Variants in DGKI observed in about 807,000 individuals in gnomAD.
DGKI encodes DAG kinase iota.
Under a neutral mutation model 147.5 loss-of-function variants are expected in DGKI, and 55 were observed. The ratio of observed to expected loss-of-function variants is 0.37; its 90% CI spans 0.30 to 0.47. The LOEUF (loss-of-function observed/expected upper bound fraction) is 0.47. Among genes scored for constraint, DGKI ranks in the 20% least tolerant of loss-of-function variants. DGKI has a pLI of 1.00. For missense variants in DGKI, 1,007 were observed against 1,323.8 expected (o/e 0.76, Z 3.71); for synonymous variants, 469 against 477.1 (o/e 0.98, Z 0.22).
intron 1 of DGKI, among the ~76,000 whole-genome samples, chr7:137,738,968 A>G (rs1246475845): frequency 6.6e-6 from 1 of 152,132 alleles, no homozygotes; most frequent in Non-Finnish European, 1.5e-5. Context: ...TACTAGACAT[A>G]TGGACACCTC....
At chr7:137,500,352 GT>G (rs1816127451) in intron 21 of DGKI, among the ~76,000 whole-genome samples, 2 of 152,170 alleles carry the variant, frequency 1.3e-5, no homozygotes, top group South Asian at 4.1e-4. Flanking sequence ...TGGATTTTAC[GT>G]TTGAAGTAAA....
At chr7:137,826,740 G>A (rs1362231348) in intron 1 of DGKI, among the ~76,000 whole-genome samples, 1 of 152,156 alleles carries the variant, frequency 6.6e-6, no homozygotes, top group Non-Finnish European at 1.5e-5. Flanking sequence ...GGGCAGGCGA[G>A]TTTATCCAAA....
At chr7:137,815,618 G>A (rs17169435) in intron 1 of DGKI, among the ~76,000 whole-genome samples, 2,709 of 152,164 alleles carry the variant, frequency 0.018, 96 homozygotes, top group African/African-American at 0.063. Flanking sequence ...GGATGTTCAC[G>A]CTAGGGACAT....
chr7:137,834,455 C>G (rs766015829), intron 1 of DGKI, among the ~76,000 whole-genome samples: 15 of 152,190 alleles, frequency 9.9e-5, no homozygotes, highest in Non-Finnish European at 1.8e-4. Context: ...TGGGAATAAC[C>G]ATTCACCATT....
chr7:137,461,954 T>G (rs1211864287), intron 27 of DGKI, among the ~76,000 whole-genome samples: 1 of 152,092 alleles, frequency 6.6e-6, no homozygotes, highest in Non-Finnish European at 1.5e-5. Context: ...AGTGGTAAAT[T>G]TATTTGTCAT....
At chr7:137,484,513 T>C in intron 23 of DGKI, among the ~76,000 whole-genome samples, 1 of 152,044 alleles carries the variant, frequency 6.6e-6, no homozygotes, top group East Asian at 1.9e-4. Flanking sequence ...CAGGGCAGGG[T>C]AAGGAGCCTT....
chr7:137,644,504 T>C (rs151313903), intron 6 of DGKI, among the ~76,000 whole-genome samples: 16 of 152,254 alleles, frequency 1.1e-4, no homozygotes, highest in African/African-American at 3.6e-4. Flanking sequence ...CACAACCATA[T>C]CTCAGGCAGC....
chr7:137,765,797 G>A (rs3800661), intron 1 of DGKI, among the ~76,000 whole-genome samples: 37,000 of 152,004 alleles, frequency 0.24, 4,795 homozygotes, highest in Middle Eastern at 0.43. Flanking sequence ...GAGGCCTCCC[G>A]GAATCCTGCA....
intron 20 of DGKI, among the ~76,000 whole-genome samples, chr7:137,540,569 C>T (rs941860819): frequency 5.3e-5 from 8 of 151,830 alleles, no homozygotes; most frequent in Admixed American, 3.9e-4. Flanking sequence ...CCTGTAGTCC[C>T]CAGCTACTCA....
intron 2 of DGKI, among the ~76,000 whole-genome samples, chr7:137,686,261 T>C (rs1269830924): frequency 6.6e-6 from 1 of 152,214 alleles, no homozygotes; most frequent in African/African-American, 2.4e-5. Context: ...GAGCATGGCT[T>C]GGCAGACAGC....
chr7:137,827,414 T>C (rs1198264149), intron 1 of DGKI, among the ~76,000 whole-genome samples: 1 of 152,190 alleles, frequency 6.6e-6, no homozygotes, highest in African/African-American at 2.4e-5. Context: ...TTCATCACCA[T>C]TCACACTGCT....
chr7:137,693,612 C>A (rs2116472106), intron 1 of DGKI, among the ~76,000 whole-genome samples: 1 of 152,310 alleles, frequency 6.6e-6, no homozygotes, highest in African/African-American at 2.4e-5. Context: ...AGGGCTCAAT[C>A]CATCTACTAA....
rs1314291790 is a variant in DGKI, at chr7:137,722,722, T to G, written c.402-32720A>C. ...AGAGAAATATGAGATTACGGAGCAG[T>G]GCAAGATTGAGCAGAAAGCTGTGGA... On this transcript the variant is annotated intron_variant, in intron 1 of 32. Coordinates refer to ENST00000614521, the MANE Select transcript of DGKI (RefSeq NM_001321708.2). 3 of 1,584,164 alleles carry G rather than the reference T, an allele frequency of 1.9e-6. No individual in the cohort carries two copies. The African/African-American group carries it at 4.0e-5, about 21-fold the overall frequency.
chr7:137,529,378 G>A (rs1348561631), intron 20 of DGKI, among the ~76,000 whole-genome samples: 1 of 152,118 alleles, frequency 6.6e-6, no homozygotes, highest in Non-Finnish European at 1.5e-5. Context: ...TTTTTCATGT[G>A]TGATTAGGCC....
chr7:137,399,321 A>G (rs560701597), intron 30 of DGKI, among the ~76,000 whole-genome samples: 8 of 142,178 alleles, frequency 5.6e-5, no homozygotes, highest in Non-Finnish European at 1.3e-4. Flanking sequence ...TCCTTCTAGC[A>G]CCTACCCTAT....
intron 23 of DGKI, among the ~76,000 whole-genome samples, chr7:137,474,847 T>G (rs1815113206): frequency 6.6e-6 from 1 of 152,172 alleles, no homozygotes; most frequent in African/African-American, 2.4e-5. Flanking sequence ...ACGACAATCC[T>G]GGCGCCCTAC....
chr7:137,409,087 A>C (rs1323909277), intron 29 of DGKI, among the ~76,000 whole-genome samples: 1 of 152,210 alleles, frequency 6.6e-6, no homozygotes, highest in Non-Finnish European at 1.5e-5. Context: ...AATAGTTTTA[A>C]ATAGCTAGAA....
At chr7:137,827,965 G>A (rs1258595616) in intron 1 of DGKI, among the ~76,000 whole-genome samples, 1 of 152,094 alleles carries the variant, frequency 6.6e-6, no homozygotes, top group African/African-American at 2.4e-5. Flanking sequence ...CCTCCTTCAA[G>A]GCACATTTAA....
rs1040575731 is a variant in DGKI, at chr7:137,387,642, C to T, written c.*3578G>A. The T allele has an allele frequency of 1.3e-5, 2 of 152,052 alleles. No individual in the cohort carries two copies. The highest frequency in any genetic ancestry group is 2.9e-5 in the Non-Finnish European group (2 of 68,004). 9.4% of individuals were successfully genotyped at this position (152,052 alleles called of 1,614,324 possible). A position where few individuals can be genotyped will look rare whatever the true frequency, so the allele number is the denominator to read the frequency against. On this transcript the variant is annotated 3_prime_UTR_variant, in exon 33 of 33. Transcript: ENST00000614521. Reference sequence around the variant, plus strand: ...GGGTATTTCTGACATCACATACAAGCAACAGTGTTCATCAGTGTTAACCGT... The same window carrying T: ...GGGTATTTCTGACATCACATACAAGTAACAGTGTTCATCAGTGTTAACCGT...
Sources: allele counts gnomAD v4.1 joint callset (sites outside exome capture counted in the v4.1 genomes callset), GRCh38; gene constraint gnomAD v4.1.1; transcripts MANE v1.5; gene names NCBI Gene and HGNC (gene_info 2026-07-23, HGNC 2026-07-21).